Variants in GSTO1 observed in about 807,000 individuals in gnomAD.
GSTO1 encodes the protein glutathione S-transferase omega 1.
In GSTO1, 27 loss-of-function variants were observed where a neutral mutation model predicts 23.8. That is an observed-to-expected ratio of 1.13 (90% CI 0.83 to 1.56). The LOEUF is 1.56. Ranked by LOEUF, GSTO1 falls within the 40% of genes most tolerant of loss-of-function variation. GSTO1 has a pLI of 0.00. For missense variants in GSTO1, 255 were observed against 285.8 expected (o/e 0.89, Z 0.78); for synonymous variants, 105 against 109.3 (o/e 0.96, Z 0.25).
intron 3 of GSTO1, among the ~76,000 whole-genome samples, chr10:104,262,601 A>G (rs1207373697): frequency 7.2e-5 from 11 of 152,220 alleles, no homozygotes; most frequent in Non-Finnish European, 1.5e-4. Context: ...AATCTCAGCT[A>G]CTAAGGAGGC....
chr10:104,256,772 A>C (rs2091604823), intron 2 of GSTO1, among the ~76,000 whole-genome samples: 1 of 150,638 alleles, frequency 6.6e-6, no homozygotes, highest in Non-Finnish European at 1.5e-5. Context: ...GTGTTCTGAC[A>C]TACTTTTTTT....
chr10:104,260,726 G>C (rs2011131724), intron 3 of GSTO1, among the ~76,000 whole-genome samples: 1 of 152,170 alleles, frequency 6.6e-6, no homozygotes, highest in South Asian at 2.1e-4. Context: ...GTATATAAAG[G>C]ATTATCTTTA....
At chr10:104,255,673 G>A (rs1021455458) in intron 2 of GSTO1, among the ~76,000 whole-genome samples, 1 of 152,176 alleles carries the variant, frequency 6.6e-6, no homozygotes, top group African/African-American at 2.4e-5. Context: ...TTGTTATTCT[G>A]AATGTATTGT....
Position 104,266,160 on chromosome 10 carries a change from T to G in GSTO1, c.542T>G (p.Phe181Cys). ...SMIDYLIWPW[F>C]ERLEAMKLNE... Reference sequence around the variant, plus strand: ...ATTGATTACCTCATCTGGCCCTGGTTTGAACGGCTGGAAGCAATGAAGTTA... The same window carrying G: ...ATTGATTACCTCATCTGGCCCTGGTGTGAACGGCTGGAAGCAATGAAGTTA... Residue 181 changes from phenylalanine (F) to cysteine (C), a missense_variant, in exon 5 of 6, where the codon TTT becomes TGT. Transcript: ENST00000369713. 1 of 1,608,504 alleles carries G rather than the reference T, an allele frequency of 6.2e-7. No individual in the cohort carries two copies. The highest frequency in any genetic ancestry group is 8.5e-7 in the Non-Finnish European group (1 of 1,174,924).
chr10:104,258,878 G>T (rs762256506), intron 2 of GSTO1, among the ~76,000 whole-genome samples: 4 of 152,112 alleles, frequency 2.6e-5, no homozygotes, highest in Non-Finnish European at 4.4e-5. Flanking sequence ...TTTCTTCAAA[G>T]AGGATATAAA....
At chr10:104,262,575 G>C (rs1159367757) in intron 3 of GSTO1, among the ~76,000 whole-genome samples, 1 of 152,164 alleles carries the variant, frequency 6.6e-6, no homozygotes, top group Non-Finnish European at 1.5e-5. Flanking sequence ...AGCCTGGCGT[G>C]GTGGCGCACG....
At chr10:104,255,004 C>T (rs1457662102) in intron 1 of GSTO1, 42 bp downstream of exon 1, 1 of 1,569,206 alleles carries the variant, frequency 6.4e-7, no homozygotes, top group Non-Finnish European at 8.7e-7. Context: ...TCTCGGCGAC[C>T]CCCGGCGGCA....
At chr10:104,258,514 AATAC>A (rs2011111920) in intron 2 of GSTO1, among the ~76,000 whole-genome samples, 1 of 152,228 alleles carries the variant, frequency 6.6e-6, no homozygotes, top group Non-Finnish European at 1.5e-5. Flanking sequence ...TAATCTCCAA[AATAC>A]ATAAGGAATC....
chr10:104,257,584 G>A (rs551775530), intron 2 of GSTO1, among the ~76,000 whole-genome samples: 46 of 152,066 alleles, frequency 3.0e-4, no homozygotes, highest in Middle Eastern at 3.4e-3. Context: ...TAAGCAATCC[G>A]CCCACTGCAG....
intron 5 of GSTO1, among the ~76,000 whole-genome samples, chr10:104,266,716 A>G (rs2011190795): frequency 6.7e-6 from 1 of 149,762 alleles, no homozygotes; most frequent in Non-Finnish European, 1.5e-5. Flanking sequence ...CCTGGGCAAG[A>G]GCAAGACACT....
At chr10:104,255,309 G>C (rs762535899) in intron 2 of GSTO1, 38 bp downstream of exon 2, 2 of 1,400,080 alleles carry the variant, frequency 1.4e-6, no homozygotes, top group Admixed American at 1.7e-5. Context: ...CGAGCCGTCC[G>C]GGAGCCTGCT....
At chr10:104,259,449 G>T in intron 2 of GSTO1, 127 bp from the exon 3 acceptor site, 1 of 615,982 alleles carries the variant, frequency 1.6e-6, no homozygotes, top group East Asian at 2.7e-5. Context: ...AACTAGAATG[G>T]AAGGAATCTA....
In GSTO1 at chr10:104,255,174, C is replaced by G; in HGVS notation, c.46C>G (p.Pro16Ala). 6.2e-7 allele frequency: 1 copy of G among 1,613,394 alleles called. No individual in the cohort carries two copies. The highest frequency in any genetic ancestry group is 1.3e-5 in the African/African-American group (1 of 75,026). The change falls in exon 2 of 6, where the codon CCG (proline) becomes GCG (alanine). Residue 16 changes from proline (P) to alanine (A), a missense_variant. Pro to Ala is a conservative substitution (Grantham distance 27). Coordinates refer to ENST00000369713, the MANE Select transcript of GSTO1 (RefSeq NM_004832.3). Reference protein sequence around the residue: ...ARSLGKGSAPPGPVPEGSIRI... With the variant: ...ARSLGKGSAPAGPVPEGSIRI... ...CTTCTCCCCGGCAGGAAGCGCGCCC[C>G]CGGGGCCGGTCCCGGAGGGCTCGAT...
chr10:104,264,205 T>C (rs2011161130), intron 4 of GSTO1, among the ~76,000 whole-genome samples: 1 of 152,214 alleles, frequency 6.6e-6, no homozygotes, highest in Non-Finnish European at 1.5e-5. Context: ...GCCTGGTGTC[T>C]TTAACAGGGG....
chr10:104,257,382 C>G (rs1290915636), intron 2 of GSTO1, among the ~76,000 whole-genome samples: 1 of 151,332 alleles, frequency 6.6e-6, no homozygotes, highest in Non-Finnish European at 1.5e-5. Flanking sequence ...GCCCTGTCAC[C>G]CAGGCTGGAA....
chr10:104,266,289 T>C (rs2011182270), intron 5 of GSTO1, 99 bp downstream of exon 5: 2 of 675,496 alleles, frequency 3.0e-6, no homozygotes, highest in East Asian at 2.7e-5. Flanking sequence ...TTAATACAAC[T>C]GGTCTGAATG....
Position 104,267,276 on chromosome 10 carries a change from G to GA in GSTO1, c.600dup (p.Leu201ThrfsTer18). 1 of 1,613,424 alleles carries GA rather than the reference G, an allele frequency of 6.2e-7. No homozygotes were observed. On this transcript the variant is annotated frameshift_variant, in exon 6 of 6. Transcript: ENST00000369713. LOFTEE classifies it low-confidence loss of function (END_TRUNC). ...GGTGTGTAGACCACACTCCAAAACT[G>GA]AAACTGTGGATGGCAGCCATGAAGG...
In GSTO1 at chr10:104,259,669, G is replaced by A. The variant is rs532583793; in HGVS notation, c.237G>A (p.Gln79=). The A allele has an allele frequency of 6.2e-7, 1 of 1,613,058 alleles. No individual in the cohort carries two copies. The highest frequency in any genetic ancestry group is 1.3e-5 in the African/African-American group (1 of 75,006). ...TGGTGCCAGTTCTGGAAAACAGTCA[G>A]GGTCAGCTGATCTACGAGTCTGCCA... The part of the protein sequence containing the change: ...FGLVPVLENS[Q]GQLIYESAIT... The change falls in exon 3 of 6, where the codon CAG becomes CAA. Residue 79 remains glutamine, a synonymous_variant. Transcript: ENST00000369713.
At chr10:104,256,489 A>C (rs1174683807) in intron 2 of GSTO1, among the ~76,000 whole-genome samples, 1 of 152,206 alleles carries the variant, frequency 6.6e-6, no homozygotes, top group East Asian at 1.9e-4. Flanking sequence ...TTCCAAAGGA[A>C]CATTGAAACT....
Sources: gnomAD v4.1 joint callset for allele counts (sites outside exome capture counted in the v4.1 genomes callset) on GRCh38, gnomAD v4.1.1 for gene constraint, MANE v1.5 for transcripts, NCBI Gene and HGNC (gene_info 2026-07-23, HGNC 2026-07-21) for gene names.